RAB30: variants seen among roughly 807,000 people sequenced by gnomAD.
RAB30 encodes ras-related protein Rab-30.
In RAB30, 9 loss-of-function variants were observed where a neutral mutation model predicts 25.1. That is an observed-to-expected ratio of 0.36 (90% confidence interval 0.22 to 0.63). The LOEUF is 0.63. Ranked by LOEUF, RAB30 falls within the 20% of genes least tolerant of loss-of-function variation. The probability of loss-of-function intolerance (pLI) is 0.69; values close to 1 mark genes in which losing one functional copy is unlikely to be tolerated. For missense variants in RAB30, 140 were observed against 243.5 expected (o/e 0.58, Z 2.83); for synonymous variants, 77 against 86.4 (o/e 0.89, Z 0.60).
intron 3 of RAB30, 63 bp downstream of exon 3, chr11:82,993,976 G>T: frequency 7.9e-7 from 1 of 1,258,512 alleles, no homozygotes; most frequent in Non-Finnish European, 1.1e-6. Context: ...GGTTATGAAA[G>T]CAGTACTTCC....
At chr11:82,984,933 G>T (rs1459003271) in intron 4 of RAB30, among the ~76,000 whole-genome samples, 1 of 152,186 alleles carries the variant, frequency 6.6e-6, no homozygotes, top group Non-Finnish European at 1.5e-5. Context: ...AACAATGGGA[G>T]CATCAATAAT....
chr11:83,027,444 G>C (rs1857749513), intron 1 of RAB30, among the ~76,000 whole-genome samples: 1 of 152,124 alleles, frequency 6.6e-6, no homozygotes. Context: ...ATCCGAAGAA[G>C]AGTGAAAGAC....
intron 1 of RAB30, among the ~76,000 whole-genome samples, chr11:83,070,575 C>T (rs1042062511): frequency 6.6e-6 from 1 of 152,054 alleles, no homozygotes; most frequent in African/African-American, 2.4e-5. Context: ...GGGTGTAGAT[C>T]TCTCAGCCAA....
At chr11:83,047,572 TA>T (rs1858259605) in intron 1 of RAB30, among the ~76,000 whole-genome samples, 1 of 152,198 alleles carries the variant, frequency 6.6e-6, no homozygotes, top group African/African-American at 2.4e-5. Flanking sequence ...GTCTTGAGTA[TA>T]TGATCCTATT....
intron 1 of RAB30, among the ~76,000 whole-genome samples, chr11:83,006,706 G>A (rs1799887368): frequency 6.6e-6 from 1 of 152,150 alleles, no homozygotes; most frequent in Admixed American, 6.5e-5. Flanking sequence ...GGGGTACTCT[G>A]TTTCAATCTT....
chr11:83,065,288 T>G (rs12271324), intron 1 of RAB30, among the ~76,000 whole-genome samples: 88,818 of 151,754 alleles, frequency 0.59, 26,514 homozygotes, highest in African/African-American at 0.73. Context: ...TGCTCAGGAG[T>G]CTGAGATGGG....
At chr11:83,033,299 C>G (rs200505837) in intron 1 of RAB30, among the ~76,000 whole-genome samples, 5 of 150,996 alleles carry the variant, frequency 3.3e-5, no homozygotes, top group Admixed American at 6.6e-5. Flanking sequence ...CTCCTGACCT[C>G]AGGTGATCTG....
chr11:82,984,715 C>A (rs1451946231), intron 4 of RAB30, among the ~76,000 whole-genome samples: 4 of 152,182 alleles, frequency 2.6e-5, no homozygotes, highest in African/African-American at 9.7e-5. Flanking sequence ...GCTCCTAACA[C>A]CTCGGTTGTG....
chr11:83,061,027 C>G (rs1227459415), intron 1 of RAB30, among the ~76,000 whole-genome samples: 3 of 152,202 alleles, frequency 2.0e-5, no homozygotes, highest in Non-Finnish European at 2.9e-5. Flanking sequence ...CAGCAGCCCC[C>G]CAGTCTCTGG....
chr11:83,016,171 C>T (rs1042644602), intron 1 of RAB30, among the ~76,000 whole-genome samples: 5 of 151,898 alleles, frequency 3.3e-5, no homozygotes, highest in East Asian at 1.9e-4. Context: ...AAAAAAACAA[C>T]GAAGTGGCCT....
At chr11:83,058,740 T>A (rs767166111) in intron 1 of RAB30, among the ~76,000 whole-genome samples, 44 of 152,248 alleles carry the variant, frequency 2.9e-4, no homozygotes, top group Non-Finnish European at 4.8e-4. Flanking sequence ...TTGTAATAAG[T>A]ACCTTGTGAA....
At position 82,997,820 on chromosome 11, in the gene RAB30, G is replaced by A. The variant is rs1041084236; in HGVS notation, c.-8-496C>T. ...AGGGCCCTTTTAGTCTCCTGCTTCTGGAAGTCTTAGGGTCTTACAAATGGT... is the reference window on the plus strand; with the variant it reads ...AGGGCCCTTTTAGTCTCCTGCTTCTAGAAGTCTTAGGGTCTTACAAATGGT... On this transcript the variant is annotated intron_variant, in intron 1 of 4. Transcript: ENST00000527633. Among the ~76,000 whole-genome samples the A allele has an allele frequency of 3.9e-5, 6 of 152,156 alleles. No homozygotes were observed. The South Asian group carries it at 1.0e-3, about 26-fold the overall frequency.
intron 1 of RAB30, among the ~76,000 whole-genome samples, chr11:83,066,063 T>C (rs995323485): frequency 1.3e-5 from 2 of 152,190 alleles, no homozygotes; most frequent in Admixed American, 6.5e-5. Context: ...GTTGGCTTCC[T>C]ATAAGGAAAA....
chr11:82,996,128 T>G (rs1447647470), intron 2 of RAB30, among the ~76,000 whole-genome samples: 1 of 152,240 alleles, frequency 6.6e-6, no homozygotes, highest in East Asian at 1.9e-4. Flanking sequence ...CACGGCTTAG[T>G]AAAAAGCATG....
chr11:82,977,242 TC>T lies in RAB30; in HGVS notation c.*4922del, dbSNP rs1156630345. On this transcript the variant is annotated 3_prime_UTR_variant, in exon 5 of 5. Transcript: ENST00000527633. Reference sequence around the variant, plus strand: ...TCAATGAATGGACCGACAAAGCAAGTCCAGCATAGGGCATAATGGAGGGCCA... The same window carrying T: ...TCAATGAATGGACCGACAAAGCAAGTCAGCATAGGGCATAATGGAGGGCCA... 6.6e-6 allele frequency: 1 copy of T among 152,174 alleles called. No homozygotes were observed. The highest frequency in any genetic ancestry group is 1.5e-5 in the Non-Finnish European group (1 of 68,020). 9.4% of individuals were successfully genotyped at this position (152,174 alleles called of 1,614,324 possible).
intron 2 of RAB30, among the ~76,000 whole-genome samples, chr11:82,995,245 TA>T (rs1382569249): frequency 6.6e-6 from 1 of 152,224 alleles, no homozygotes; most frequent in Non-Finnish European, 1.5e-5. Flanking sequence ...AGTTTTAGCT[TA>T]AAAGACTGAA....
chr11:83,061,577 A>G (rs2121520703), intron 1 of RAB30, among the ~76,000 whole-genome samples: 1 of 152,286 alleles, frequency 6.6e-6, no homozygotes, highest in Non-Finnish European at 1.5e-5. Context: ...TGGTTTAGAA[A>G]AAGTATCTGT....
At chr11:83,019,226 C>G (rs530607468) in intron 1 of RAB30, among the ~76,000 whole-genome samples, 3 of 152,182 alleles carry the variant, frequency 2.0e-5, no homozygotes, top group African/African-American at 7.2e-5. Flanking sequence ...GGGGTTTTGC[C>G]CATTGGCCAG....
chr11:83,014,634 AAAAG>A (rs58927757), intron 1 of RAB30, among the ~76,000 whole-genome samples: 20,229 of 112,384 alleles, frequency 0.18, 1,910 homozygotes, highest in Non-Finnish European at 0.19. Flanking sequence ...AGAAGTAAGA[AAAAG>A]AAAGAAAGAA....
Sources: gnomAD v4.1 joint callset for allele counts (sites outside exome capture counted in the v4.1 genomes callset) on GRCh38, gnomAD v4.1.1 for gene constraint, MANE v1.5 for transcripts, NCBI Gene and HGNC (gene_info 2026-07-23, HGNC 2026-07-21) for gene names.